REG4: variants seen among roughly 807,000 people sequenced by gnomAD.
The protein encoded by REG4 is regenerating family member 4.
In REG4, 16 loss-of-function variants were observed where a neutral mutation model predicts 22.3. That is an observed-to-expected ratio of 0.72 (90% CI 0.49 to 1.09). The LOEUF is 1.09. Among genes scored for constraint, REG4 ranks in the 50% least tolerant of loss-of-function variants. REG4 has a pLI of 0.00. For synonymous variants in REG4, 71 were observed against 69.2 expected, an observed-to-expected ratio of 1.03 and a Z score of -0.13; for missense variants, 214 against 193.9, an observed-to-expected ratio of 1.10 and a Z score of -0.61.
Position 119,803,007 on chromosome 1 carries a change from G to C in REG4, c.165+61C>G, listed in dbSNP as rs753714654. 1.0e-5 allele frequency: 16 copies of C among 1,607,016 alleles called. No individual in the cohort carries two copies. In the South Asian group the frequency reaches 1.6e-4, roughly 16 times the overall value. On this transcript the variant is annotated intron_variant, in intron 3 of 5. Transcript: ENST00000256585. ...CTTGATCCTGAATCAAATGAGATCT[G>C]GGGCTCTGGCTGGTCCTTTGCTCTA...
chr1:119,795,618 T>C (rs1051835945), intron 5 of REG4, among the ~76,000 whole-genome samples: 1 of 152,228 alleles, frequency 6.6e-6, no homozygotes, highest in Non-Finnish European at 1.5e-5. Flanking sequence ...GCTTGGGCCC[T>C]GACCTGCAGA....
chr1:119,802,704 G>A, intron 3 of REG4: 1 of 1,427,056 alleles, frequency 7.0e-7, no homozygotes, highest in Non-Finnish European at 9.1e-7. Context: ...CTCTCTTTCT[G>A]GTAAATCTTG....
At chr1:119,803,265 G>A in intron 2 of REG4, 100 bp from the exon 3 acceptor site, 6 of 1,246,838 alleles carry the variant, frequency 4.8e-6, no homozygotes, top group South Asian at 3.6e-5. Context: ...AATGAAGAGA[G>A]TCCCTTCATG....
At position 119,809,383 on chromosome 1, in the gene REG4, T is replaced by C. The variant is rs1198163871; in HGVS notation, c.-94-520A>G. ...CAGATCTGACTCCATCAGCACTCTT[T>C]CCTTTACACTTAGTTGACATCATTT... On this transcript the variant is annotated intron_variant, in intron 1 of 5. Transcript: ENST00000256585. Among the ~76,000 whole-genome samples, 4 of 152,336 alleles carry C rather than the reference T, an allele frequency of 2.6e-5. No homozygotes were observed. In the East Asian group the frequency reaches 5.8e-4, roughly 22 times the overall value.
Position 119,798,575 on chromosome 1 carries a change from C to T in REG4, c.331G>A (p.Ala111Thr), listed in dbSNP as rs761866830. The change falls in exon 5 of 6, where the codon GCC becomes ACC. Residue 111 changes from alanine (A) to threonine (T), a missense_variant. By Grantham distance (58) the Ala-to-Thr change is moderately conservative (BLOSUM62 0). Transcript: ENST00000256585. Reference protein sequence around the residue: ...KRQQWQWIDGAMYLYRSWSGK... With the variant: ...KRQQWQWIDGTMYLYRSWSGK... ...GACCAGGATCTGTACAGATACATGG[C>T]CCCATCAATCCACTGCCACTGCTGC... 40 of 1,614,054 alleles carry T rather than the reference C, an allele frequency of 2.5e-5. No homozygotes were observed. The South Asian group carries it at 4.3e-4, about 17-fold the overall frequency.
At position 119,808,843 on chromosome 1, in the gene REG4, G is replaced by A. The variant is rs184114427; in HGVS notation, c.-74C>T. Reference sequence around the variant, plus strand: ...TACTAGCGCTTCTTTGAAACTCCTGGGTTCTCCTTGATCTGCAAATCTGAA... The same window carrying A: ...TACTAGCGCTTCTTTGAAACTCCTGAGTTCTCCTTGATCTGCAAATCTGAA... On this transcript the variant is annotated 5_prime_UTR_variant, in exon 2 of 6. Transcript: ENST00000256585. The A allele has an allele frequency of 1.1e-4, 123 of 1,095,496 alleles. No homozygotes were observed. The East Asian group carries it at 2.7e-3, about 24-fold the overall frequency. The allele number at this position is 1,095,496 out of a possible 1,614,324, so 67.9% of individuals were successfully genotyped here.
intron 2 of REG4, among the ~76,000 whole-genome samples, chr1:119,805,223 T>C (rs1017042577): frequency 3.9e-5 from 6 of 152,232 alleles, no homozygotes; most frequent in Non-Finnish European, 8.8e-5. Context: ...AAGAGAAGGC[T>C]GGCCATTGAT....
chr1:119,803,038 G>T (rs781701011), intron 3 of REG4, 30 bp downstream of exon 3: 4 of 1,611,428 alleles, frequency 2.5e-6, no homozygotes, highest in Non-Finnish European at 8.5e-7. Flanking sequence ...CTCTAGAAAG[G>T]CCAGGCCAAG....
chr1:119,810,783 T>C (rs1654471343), intron 1 of REG4, among the ~76,000 whole-genome samples: 4 of 152,204 alleles, frequency 2.6e-5, no homozygotes, highest in Admixed American at 2.0e-4. Flanking sequence ...CCGGGTGTGG[T>C]GGCTCATGGC....
At chr1:119,799,961 C>T (rs1005981516) in intron 3 of REG4, 99 bp from the exon 4 acceptor site, 4 of 1,431,334 alleles carry the variant, frequency 2.8e-6, no homozygotes, top group Admixed American at 1.8e-5. Context: ...ACTCACGCAG[C>T]CCCCACTTCC....
chr1:119,808,014 C>G (rs185785267), intron 2 of REG4, among the ~76,000 whole-genome samples: 1 of 152,326 alleles, frequency 6.6e-6, no homozygotes, highest in Non-Finnish European at 1.5e-5. Context: ...ACTAGAAGCC[C>G]AAGCATCACT....
At chr1:119,802,092 C>T (rs1660607) in intron 3 of REG4, 27,578 of 153,204 alleles carry the variant, frequency 0.18, 2,590 homozygotes, top group African/African-American at 0.23. Flanking sequence ...TTCCTCTCCA[C>T]GAGCTCATTT....
intron 3 of REG4, chr1:119,802,814 G>C: frequency 6.6e-7 from 1 of 1,515,206 alleles, no homozygotes; most frequent in African/African-American, 1.4e-5. Flanking sequence ...CTTGCTGAGG[G>C]TAGGGGCTCT....
intron 5 of REG4, among the ~76,000 whole-genome samples, chr1:119,797,159 T>C (rs1653958092): frequency 6.6e-6 from 1 of 150,666 alleles, no homozygotes; most frequent in Non-Finnish European, 1.5e-5. Context: ...CACTACTTCC[T>C]GGGGTAGCTC....
In REG4 at chr1:119,794,577, G is replaced by A. The variant is rs1360532878; in HGVS notation, c.*41C>T. 4 of 1,551,022 alleles carry A rather than the reference G, an allele frequency of 2.6e-6. No individual in the cohort carries two copies. Among genetic ancestry groups the A allele is most frequent in the Non-Finnish European group, 3.6e-6 (4 of 1,122,634 alleles). On this transcript the variant is annotated 3_prime_UTR_variant, in exon 6 of 6. Coordinates refer to ENST00000256585, the MANE Select transcript of REG4 (RefSeq NM_032044.4). ...TAGCCAGGCTAGCAGAAAGGAAGAG[G>A]ACGGGGCTGTGCAGGAGTTAGCAGA... is the stretch of plus-strand genomic sequence containing the variant.
At chr1:119,807,796 C>G (rs1442062111) in intron 2 of REG4, among the ~76,000 whole-genome samples, 1 of 152,126 alleles carries the variant, frequency 6.6e-6, no homozygotes, top group African/African-American at 2.4e-5. Context: ...AAAATGATGC[C>G]CAAAGAACCT....
intron 1 of REG4, 60 bp downstream of exon 1, chr1:119,811,349 T>A (rs1415912543): frequency 6.6e-6 from 1 of 152,180 alleles, no homozygotes; most frequent in East Asian, 1.9e-4. Flanking sequence ...GGCTAATAGC[T>A]GACAGAGGAA....
intron 3 of REG4, chr1:119,802,831 T>C: frequency 2.6e-6 from 4 of 1,530,628 alleles, no homozygotes; most frequent in Non-Finnish European, 3.5e-6. Context: ...CTCTTTCCTA[T>C]GTATCCGTAT....
chr1:119,808,894 C>A, intron 1 of REG4, 31 bp from the exon 2 acceptor site: 1 of 585,990 alleles, frequency 1.7e-6, no homozygotes, highest in South Asian at 2.2e-5. Context: ...GAGAAGGACC[C>A]AGGAATCTAG....
Sources: allele counts gnomAD v4.1 joint callset (sites outside exome capture counted in the v4.1 genomes callset), GRCh38; gene constraint gnomAD v4.1.1; transcripts MANE v1.5; gene names NCBI Gene and HGNC (gene_info 2026-07-23, HGNC 2026-07-21).